ARGLU1: variants seen among roughly 807,000 people sequenced by gnomAD.
ARGLU1 encodes the protein arginine and glutamate-rich protein 1.
A neutral mutation model predicts 37.6 loss-of-function variants in ARGLU1; 9 were observed. That is an observed-to-expected ratio of 0.24 (90% CI 0.14 to 0.42). The LOEUF is 0.42. ARGLU1 is among the 10% of genes least tolerant of loss of function. The probability of loss-of-function intolerance (pLI) is 1.00; values close to 1 mark genes in which losing one functional copy is unlikely to be tolerated. For synonymous variants in ARGLU1, 166 were observed against 138.5 expected (o/e 1.20, Z -1.39); for missense variants, 211 against 359.2 (o/e 0.59, Z 3.34).
chr13:106,556,381 G>A lies in ARGLU1; in HGVS notation c.657+667C>T, dbSNP rs563087734. Among the ~76,000 whole-genome samples the A allele has an allele frequency of 4.8e-4, 73 of 152,194 alleles. No homozygotes were observed. The East Asian group carries it at 8.5e-3, about 18-fold the overall frequency. ...ATGATGTTCCAGAAACAACTGCCCC[G>A]TATTAACTTTTTACATTCTTATTAA... On this transcript the variant is annotated intron_variant, in intron 3 of 3. Coordinates refer to ENST00000400198, the MANE Select transcript of ARGLU1 (RefSeq NM_018011.4).
intron 3 of ARGLU1, among the ~76,000 whole-genome samples, chr13:106,550,089 C>T (rs186000144): frequency 1.3e-5 from 2 of 152,218 alleles, no homozygotes; most frequent in Admixed American, 6.5e-5. Flanking sequence ...TCCTTAAATG[C>T]TTAGGGATAC....
intron 1 of ARGLU1, among the ~76,000 whole-genome samples, chr13:106,564,850 A>T (rs1880916962): frequency 6.6e-6 from 1 of 152,156 alleles, no homozygotes; most frequent in Admixed American, 6.5e-5. Flanking sequence ...CTTATCCACT[A>T]TTTAAAAAGT....
chr13:106,556,086 TA>T (rs893804469), intron 3 of ARGLU1, among the ~76,000 whole-genome samples: 14 of 149,182 alleles, frequency 9.4e-5, no homozygotes, highest in African/African-American at 2.7e-4. Context: ...CCAGAATAAC[TA>T]AAAAAAAAAG....
intron 1 of ARGLU1, among the ~76,000 whole-genome samples, chr13:106,565,496 G>T (rs919248596): frequency 2.0e-5 from 3 of 152,186 alleles, no homozygotes; most frequent in Non-Finnish European, 4.4e-5. Flanking sequence ...CTTTGAGCTA[G>T]ATCAAGCTCT....
In ARGLU1 at chr13:106,568,103, C is replaced by A; in HGVS notation, c.-184G>T. The A allele has an allele frequency of 1.1e-6, 1 of 924,494 alleles. No homozygotes were observed. Among genetic ancestry groups the A allele is most frequent in the South Asian group, 2.0e-5 (1 of 49,982 alleles). The allele number at this position is 924,494 out of a possible 1,614,324, so 57.3% of individuals were successfully genotyped here. A position where few individuals can be genotyped will look rare whatever the true frequency, so the allele number is the denominator to read the frequency against. On this transcript the variant is annotated 5_prime_UTR_variant, in exon 1 of 4. Coordinates refer to ENST00000400198, the MANE Select transcript of ARGLU1 (RefSeq NM_018011.4). The stretch of plus-strand genomic sequence containing the variant: ...CACGAAGGCCGCCTCCAACGAGAAA[C>A]CCGTAGCGCCAGGCGCCCCTAAGAT...
At chr13:106,564,084 C>G (rs531704935) in intron 1 of ARGLU1, among the ~76,000 whole-genome samples, 1 of 152,196 alleles carries the variant, frequency 6.6e-6, no homozygotes, top group South Asian at 2.1e-4. Flanking sequence ...ATGGCTGGGA[C>G]GCAAGGATGA....
At chr13:106,565,900 T>C (rs546181400) in intron 1 of ARGLU1, among the ~76,000 whole-genome samples, 11 of 152,376 alleles carry the variant, frequency 7.2e-5, no homozygotes, top group Non-Finnish European at 1.5e-4. Context: ...ACCTGCTAAA[T>C]GCTTCTATTT....
rs113695378 is a variant in ARGLU1 at position 106,565,052 on chromosome 13, T to C, written c.347+2521A>G. Among the ~76,000 whole-genome samples, 138 of 152,322 alleles carry C rather than the reference T, an allele frequency of 9.1e-4. No individual in the cohort carries two copies. In the Middle Eastern group the frequency reaches 0.014, roughly 15 times the overall value. On this transcript the variant is annotated intron_variant, in intron 1 of 3. Coordinates refer to ENST00000400198, the MANE Select transcript of ARGLU1 (RefSeq NM_018011.4). ...CCAACAACCATCCTCACTACTCCTG[T>C]GTAAACTTCTGTACCCACCTCTTAG...
At chr13:106,547,998 CAG>C (rs1269349127) in intron 3 of ARGLU1, among the ~76,000 whole-genome samples, 1 of 152,178 alleles carries the variant, frequency 6.6e-6, no homozygotes, top group African/African-American at 2.4e-5. Flanking sequence ...GTATGTACAG[CAG>C]AGTTGATTTT....
In ARGLU1 at chr13:106,557,185, G is replaced by A; in HGVS notation, c.574-54C>T. On this transcript the variant is annotated intron_variant, in intron 2 of 3. Coordinates refer to ENST00000400198, the MANE Select transcript of ARGLU1 (RefSeq NM_018011.4). The surrounding 1 kb of genome is among the most constrained non-coding windows in gnomAD (Gnocchi z 5.0). ...GAAAAACAAAATGTTTATTTTTATT[G>A]ATAAATATTTACTAATCTTCCTCTG... The A allele has an allele frequency of 2.1e-6, 3 of 1,434,698 alleles. No homozygotes were observed. Among genetic ancestry groups the A allele is most frequent in the Non-Finnish European group, 2.9e-6 (3 of 1,026,750 alleles). The allele number at this position is 1,434,698 out of a possible 1,614,324, so 88.9% of individuals were successfully genotyped here.
chr13:106,548,911 GCTC>G (rs753823486), intron 3 of ARGLU1, among the ~76,000 whole-genome samples: 3 of 152,112 alleles, frequency 2.0e-5, no homozygotes, highest in Non-Finnish European at 4.4e-5. Flanking sequence ...ACAACGCCCG[GCTC>G]CTTTTTTTGT....
intron 3 of ARGLU1, among the ~76,000 whole-genome samples, chr13:106,548,798 G>C (rs563938012): frequency 1.3e-5 from 2 of 152,126 alleles, no homozygotes; most frequent in Non-Finnish European, 2.9e-5. Flanking sequence ...GCCCAGGCTG[G>C]AGTGCAATGA....
Position 106,544,122 on chromosome 13 carries a change from C to A in ARGLU1, c.696G>T (p.Lys232Asn). 1 of 1,595,414 alleles carries A rather than the reference C, an allele frequency of 6.3e-7. No homozygotes were observed. Among genetic ancestry groups the A allele is most frequent in the Non-Finnish European group, 8.5e-7 (1 of 1,174,908 alleles). Residue 232 changes from lysine to asparagine, a missense_variant, in exon 4 of 4, where the codon AAG becomes AAT. By Grantham distance (94) the Lys-to-Asn change is moderately conservative. Transcript: ENST00000400198. The stretch of plus-strand genomic sequence containing the variant: ...CTAGTTTCATCCTTTCCTCATGAAT[C>A]TTTCTTTGTTCTTCAACAATTCTCA... ...EQLRIVEEQRKIHEERMKLEQ... is the reference protein window; with the variant it reads ...EQLRIVEEQRNIHEERMKLEQ...
At chr13:106,565,303 T>A (rs1447276064) in intron 1 of ARGLU1, among the ~76,000 whole-genome samples, 1 of 152,230 alleles carries the variant, frequency 6.6e-6, no homozygotes, top group African/African-American at 2.4e-5. Flanking sequence ...TTTAAGACCA[T>A]TTCCTCTATT....
intron 1 of ARGLU1, among the ~76,000 whole-genome samples, chr13:106,565,208 C>A (rs929196483): frequency 5.3e-5 from 8 of 152,218 alleles, no homozygotes; most frequent in Admixed American, 2.0e-4. Flanking sequence ...GATTCCCAGC[C>A]TCTATTTACC....
chr13:106,554,711 C>T (rs1263699288), intron 3 of ARGLU1, among the ~76,000 whole-genome samples: 1 of 151,660 alleles, frequency 6.6e-6, no homozygotes, highest in African/African-American at 2.4e-5. Context: ...ATACTGAAAC[C>T]CCGTCTCTAC....
chr13:106,553,538 A>T (rs1264298194), intron 3 of ARGLU1, among the ~76,000 whole-genome samples: 1 of 152,194 alleles, frequency 6.6e-6, no homozygotes, highest in Non-Finnish European at 1.5e-5. Context: ...ATACCCATTT[A>T]AATTCTCATG....
At chr13:106,562,495 ACTC>A (rs148623792) in intron 1 of ARGLU1, among the ~76,000 whole-genome samples, 1,793 of 152,042 alleles carry the variant, frequency 0.012, 31 homozygotes, top group African/African-American at 0.04. Context: ...CAGCCTATTC[ACTC>A]CTCAAAACCC....
intron 1 of ARGLU1, among the ~76,000 whole-genome samples, chr13:106,564,974 C>T (rs1374853975): frequency 2.0e-5 from 3 of 152,228 alleles, no homozygotes; most frequent in Admixed American, 6.5e-5. Flanking sequence ...TGAAGTCCCA[C>T]ATTCCATTTA....
Sources: allele counts gnomAD v4.1 joint callset (sites outside exome capture counted in the v4.1 genomes callset), GRCh38; gene constraint gnomAD v4.1.1; non-coding constraint Gnocchi (gnomAD v3.1); transcripts MANE v1.5; gene names NCBI Gene and HGNC (gene_info 2026-07-23, HGNC 2026-07-21).